Variants in MYO9A observed in about 807,000 individuals in gnomAD.
MYO9A encodes the protein unconventional myosin-IXa.
Under a neutral mutation model 293.3 loss-of-function variants are expected in MYO9A, and 103 were observed. That is an observed-to-expected ratio of 0.35 (90% CI 0.30 to 0.41). MYO9A has a LOEUF of 0.41. Ranked by LOEUF, MYO9A falls within the 10% of genes least tolerant of loss-of-function variation. The pLI, the probability that MYO9A is intolerant of heterozygous loss-of-function variation, is 1.00. For missense variants in MYO9A, 2,685 were observed against 3,033.0 expected (o/e 0.89, Z 2.69); for synonymous variants, 1,001 against 1,035.7 (o/e 0.97, Z 0.64).
intron 32 of MYO9A, among the ~76,000 whole-genome samples, chr15:71,869,532 T>G (rs1476389073): frequency 6.6e-6 from 1 of 152,202 alleles, no homozygotes; most frequent in African/African-American, 2.4e-5. Flanking sequence ...GTAACAAATA[T>G]CTTGTTAAAA....
intron 39 of MYO9A, among the ~76,000 whole-genome samples, chr15:71,836,824 A>G (rs1236237599): frequency 6.6e-6 from 1 of 152,080 alleles, no homozygotes; most frequent in Non-Finnish European, 1.5e-5. Flanking sequence ...TCATTAATGT[A>G]AAAATCAGGT....
chr15:72,040,592 A>G (rs946792908), intron 2 of MYO9A, among the ~76,000 whole-genome samples: 1 of 152,140 alleles, frequency 6.6e-6, no homozygotes, highest in South Asian at 2.1e-4. Flanking sequence ...TGTGACAAGA[A>G]CCCAGTATTT....
chr15:71,954,253 T>C (rs1406479900), intron 14 of MYO9A, among the ~76,000 whole-genome samples: 1 of 151,936 alleles, frequency 6.6e-6, no homozygotes, highest in African/African-American at 2.4e-5. Context: ...CAGGCTGGAG[T>C]GCAGTGGTGC....
chr15:71,931,795 A>G (rs1005013037), intron 18 of MYO9A, among the ~76,000 whole-genome samples: 5 of 152,192 alleles, frequency 3.3e-5, no homozygotes, highest in Non-Finnish European at 7.3e-5. Flanking sequence ...TTTTCTGCAC[A>G]TTAGATAACC....
chr15:71,839,185 A>C (rs996313545), intron 39 of MYO9A, among the ~76,000 whole-genome samples: 1 of 152,132 alleles, frequency 6.6e-6, no homozygotes, highest in Non-Finnish European at 1.5e-5. Context: ...TTGCATGAAA[A>C]GGTTTAGCTG....
In MYO9A at chr15:71,897,908, G is replaced by A; in HGVS notation, c.4595C>T (p.Thr1532Ile). The change falls in exon 25 of 42, where the codon ACA becomes ATA. Residue 1532 changes from threonine (T) to isoleucine (I), a missense_variant. Thr to Ile is a moderately conservative substitution (Grantham distance 89, BLOSUM62 -1). Transcript: ENST00000356056. ...ILEKERKAFK[T>I]IEKPRIGECL... ...CTCTCCAATTCTTGGCTTTTCAATT[G>A]TCTTGAAGGCTTTGCGCTCCTTCTC... 6.2e-7 allele frequency: 1 copy of A among 1,614,104 alleles called. No individual in the cohort carries two copies. The highest frequency in any genetic ancestry group is 8.5e-7 in the Non-Finnish European group (1 of 1,180,024).
intron 2 of MYO9A, among the ~76,000 whole-genome samples, chr15:72,042,808 T>A (rs557205537): frequency 2.0e-5 from 3 of 152,016 alleles, no homozygotes; most frequent in Non-Finnish European, 4.4e-5. Flanking sequence ...ATGCCTGTTA[T>A]CCCAGCACTT....
At chr15:71,909,369 C>A (rs1003437094) in intron 19 of MYO9A, among the ~76,000 whole-genome samples, 2 of 152,184 alleles carry the variant, frequency 1.3e-5, no homozygotes, top group Non-Finnish European at 2.9e-5. Context: ...TTCCCACCAC[C>A]AATGAATGAG....
At chr15:72,089,320 A>G (rs2079834859) in intron 1 of MYO9A, among the ~76,000 whole-genome samples, 1 of 151,814 alleles carries the variant, frequency 6.6e-6, no homozygotes, top group Non-Finnish European at 1.5e-5. Context: ...ACAGCACCAC[A>G]CCTGGCTAAT....
intron 15 of MYO9A, among the ~76,000 whole-genome samples, chr15:71,949,879 T>C (rs2059013022): frequency 6.6e-6 from 1 of 152,102 alleles, no homozygotes; most frequent in Non-Finnish European, 1.5e-5. Context: ...TCTGAAACTA[T>C]GCAAGTTAGG....
At chr15:71,947,813 G>A (rs1255749004) in intron 15 of MYO9A, among the ~76,000 whole-genome samples, 1 of 152,142 alleles carries the variant, frequency 6.6e-6, no homozygotes, top group East Asian at 1.9e-4. Flanking sequence ...ATCCCAAACA[G>A]GACTGAAGGC....
intron 14 of MYO9A, among the ~76,000 whole-genome samples, chr15:71,952,819 A>G (rs2059082968): frequency 6.6e-6 from 1 of 152,214 alleles, no homozygotes; most frequent in South Asian, 2.1e-4. Context: ...TATAATTAGG[A>G]ATGAGATACA....
intron 1 of MYO9A, among the ~76,000 whole-genome samples, chr15:72,049,471 A>T (rs1175687233): frequency 6.6e-6 from 1 of 152,192 alleles, no homozygotes; most frequent in Non-Finnish European, 1.5e-5. Flanking sequence ...TCTTACAGCC[A>T]GGGAGGCTGT....
chr15:71,823,041 C>T lies in MYO9A; in HGVS notation c.*3539G>A, dbSNP rs1177891498. 2.0e-5 allele frequency: 3 copies of T among 152,004 alleles called. No individual in the cohort carries two copies. The highest frequency in any genetic ancestry group is 7.3e-5 in the African/African-American group (3 of 41,366). The allele number at this position is 152,004 out of a possible 1,614,324, so 9.4% of individuals were successfully genotyped here. A position where few individuals can be genotyped will look rare whatever the true frequency, so the allele number is the denominator to read the frequency against. On this transcript the variant is annotated 3_prime_UTR_variant, in exon 42 of 42. Coordinates refer to ENST00000356056, the MANE Select transcript of MYO9A (RefSeq NM_006901.4). ...GAGTTGTCACAAGAGTATGGGTGGA[C>T]ATAACACATTTGTCCATACAGAATG... is the stretch of plus-strand genomic sequence containing the variant.
In MYO9A at chr15:71,911,374, T is replaced by C. The variant is rs138449289; in HGVS notation, c.2685+4996A>G. ...TACAAGTATGAATTCAATTCAAATATGAAAACAAGCTTAATGTATCCTACA... is the reference window on the plus strand; with the variant it reads ...TACAAGTATGAATTCAATTCAAATACGAAAACAAGCTTAATGTATCCTACA... On this transcript the variant is annotated intron_variant, in intron 19 of 41. Transcript: ENST00000356056. Among the ~76,000 whole-genome samples the C allele has an allele frequency of 1.1e-4, 16 of 152,276 alleles. No individual in the cohort carries two copies. In the East Asian group the frequency reaches 1.7e-3, roughly 17 times the overall value.
At position 71,903,923 on chromosome 15, in the gene MYO9A, C is replaced by G. The variant is rs1458943003; in HGVS notation, c.2877+6G>C. ...AAATATGTAAATATCACTATAAAAA[C>G]AGAACCTGGAAAGAATATTTGGAGC... On this transcript the variant is annotated splice_donor_region_variant and intron_variant, in intron 21 of 41. Coordinates refer to ENST00000356056, the MANE Select transcript of MYO9A (RefSeq NM_006901.4). The G allele has an allele frequency of 6.2e-7, 1 of 1,610,920 alleles. No individual in the cohort carries two copies. The highest frequency in any genetic ancestry group is 1.3e-5 in the African/African-American group (1 of 74,972).
intron 19 of MYO9A, among the ~76,000 whole-genome samples, chr15:71,909,928 G>A (rs1436131576): frequency 6.6e-6 from 1 of 151,890 alleles, no homozygotes; most frequent in Non-Finnish European, 1.5e-5. Flanking sequence ...AAGCCCAGAA[G>A]CTGGAGTCCA....
chr15:71,916,628 A>G (rs575182149), intron 18 of MYO9A, 136 bp from the exon 19 acceptor site: 1 of 794,676 alleles, frequency 1.3e-6, no homozygotes, highest in African/African-American at 1.8e-5. Flanking sequence ...TGAAAGACTG[A>G]TATCCAACAT....
At chr15:71,980,242 T>C (rs1156660325) in intron 11 of MYO9A, among the ~76,000 whole-genome samples, 12 of 152,174 alleles carry the variant, frequency 7.9e-5, no homozygotes, top group Admixed American at 3.9e-4. Flanking sequence ...CATTTATACT[T>C]ATCTTTGAGT....
Sources: gnomAD v4.1 joint callset for allele counts (sites outside exome capture counted in the v4.1 genomes callset) on GRCh38, gnomAD v4.1.1 for gene constraint, MANE v1.5 for transcripts, NCBI Gene and HGNC (gene_info 2026-07-23, HGNC 2026-07-21) for gene names.